Variants in RNF123 observed in about 807,000 individuals in gnomAD.
RNF123 encodes ring finger protein 123.
In RNF123, 86 loss-of-function variants were observed where a neutral mutation model predicts 168.5. The observed-to-expected ratio is 0.51, with a 90% CI of 0.43 to 0.61. The LOEUF (loss-of-function observed/expected upper bound fraction) is 0.61. RNF123 is among the 20% of genes least tolerant of loss of function. The pLI, the probability that RNF123 is intolerant of heterozygous loss-of-function variation, is 0.00. For missense variants in RNF123, 1,419 were observed against 1,729.7 expected (o/e 0.82, Z 3.19); for synonymous variants, 666 against 689.1 (o/e 0.97, Z 0.52).
Position 49,720,783 on chromosome 3 carries a change from T to C in RNF123, c.3644-17T>C, listed in dbSNP as rs2080387414. ...TCCTCAGCTACCTCTGACTTGACAC[T>C]ACCTACCACTCCCCAGATGCGGATT... is the stretch of plus-strand genomic sequence containing the variant. On this transcript the variant is annotated splice_polypyrimidine_tract_variant and intron_variant, in intron 36 of 38. Transcript: ENST00000327697. 2 of 1,613,848 alleles carry C rather than the reference T, an allele frequency of 1.2e-6. No homozygotes were observed. The highest frequency in any genetic ancestry group is 1.3e-5 in the African/African-American group (1 of 74,908).
intron 26 of RNF123, among the ~76,000 whole-genome samples, chr3:49,708,169 G>T (rs1293776193): frequency 6.6e-6 from 1 of 152,046 alleles, no homozygotes; most frequent in East Asian, 1.9e-4. Flanking sequence ...TCACTTTGTT[G>T]GCGTGGCTGG....
chr3:49,714,208 G>A lies in RNF123; in HGVS notation c.3010+34G>A, dbSNP rs757700791. 41 of 1,594,620 alleles carry A rather than the reference G, an allele frequency of 2.6e-5. 1 individual carries two copies. The South Asian group carries it at 4.3e-4, about 17-fold the overall frequency. On this transcript the variant is annotated intron_variant, in intron 31 of 38. Coordinates refer to ENST00000327697, the MANE Select transcript of RNF123 (RefSeq NM_022064.5). Reference sequence around the variant, plus strand: ...CTGGGTTGGGCGAGTCCTGGGCAAGGCAGGCGGGGGCGCTTACCTCCTACC... The same window carrying A: ...CTGGGTTGGGCGAGTCCTGGGCAAGACAGGCGGGGGCGCTTACCTCCTACC...
chr3:49,720,347 A>C, intron 35 of RNF123, 164 bp from the exon 36 acceptor site: 1 of 544,176 alleles, frequency 1.8e-6, no homozygotes, highest in Non-Finnish European at 2.9e-6. Context: ...GCTGTGTGGC[A>C]CCTTACTAGA....
At chr3:49,698,918 A>G in intron 9 of RNF123, 62 bp from the exon 10 acceptor site, 1 of 1,607,380 alleles carries the variant, frequency 6.2e-7, no homozygotes, top group Non-Finnish European at 8.5e-7. Context: ...ACTGAGTTTG[A>G]TAGCCTGAGG....
At position 49,699,889 on chromosome 3, in the gene RNF123, GA is replaced by G; in HGVS notation, c.984+118del. 1.8e-6 allele frequency: 2 copies of G among 1,134,508 alleles called. No homozygotes were observed. Among genetic ancestry groups the G allele is most frequent in the Non-Finnish European group, 2.6e-6 (2 of 782,852 alleles). 70.3% of individuals were successfully genotyped at this position (1,134,508 alleles called of 1,614,324 possible). A position where few individuals can be genotyped will look rare whatever the true frequency, so the allele number is the denominator to read the frequency against. ...CTGAGGTCCCACAGCATCACCTGGCGAGGGCCCCATGTGACCAGGGCCCTCA... is the reference window on the plus strand; with the variant it reads ...CTGAGGTCCCACAGCATCACCTGGCGGGGCCCCATGTGACCAGGGCCCTCA... On this transcript the variant is annotated intron_variant, in intron 12 of 38. Transcript: ENST00000327697. This position sits in a 1 kb window ranked among gnomAD's most constrained non-coding sequence, Gnocchi z 4.8.
intron 24 of RNF123, 109 bp downstream of exon 24, chr3:49,705,788 C>G: frequency 2.0e-6 from 3 of 1,521,206 alleles, no homozygotes; most frequent in Non-Finnish European, 2.7e-6. Flanking sequence ...CAAGACCGTG[C>G]ATGGGAGCAC....
At position 49,714,122 on chromosome 3, in the gene RNF123, G is replaced by A; in HGVS notation, c.2958G>A (p.Leu986=). ...GCGFGYRYTR[L]PHLLKTKLED... ...GCTTCGGGTACCGCTATACACGGCTGCCACATCTGCTGAAAACCAAACTTG... is the reference window on the plus strand; with the variant it reads ...GCTTCGGGTACCGCTATACACGGCTACCACATCTGCTGAAAACCAAACTTG... Residue 986 remains leucine (L), a synonymous_variant, in exon 31 of 39, where the codon CTG becomes CTA. Coordinates refer to ENST00000327697, the MANE Select transcript of RNF123 (RefSeq NM_022064.5). 2 of 1,614,148 alleles carry A rather than the reference G, an allele frequency of 1.2e-6. No individual in the cohort carries two copies. The highest frequency in any genetic ancestry group is 1.7e-6 in the Non-Finnish European group (2 of 1,180,038).
intron 27 of RNF123, chr3:49,712,883 A>G (rs1453894002): frequency 4.3e-6 from 3 of 705,578 alleles, no homozygotes; most frequent in Admixed American, 4.0e-5. Context: ...AACAGACAAG[A>G]TGGAACACGG....
In RNF123 at chr3:49,705,021, C is replaced by T. The variant is rs1468648434; in HGVS notation, c.1997C>T (p.Pro666Leu). ...MQALAVGGPL[P>L]LPRPGWLSSP... ...GCCCTGGCTGTTGGGGGGCCACTGC[C>T]CCTGCCCCGGCCCGGCTGGCTCAGT... The change falls in exon 23 of 39, where the codon CCC becomes CTC. Residue 666 changes from proline to leucine, a missense_variant. Around this residue, in one of 5 missense-constraint regions of RNF123, gnomAD observed 538 missense variants for 708.8 expected, o/e 0.76. Coordinates refer to ENST00000327697, the MANE Select transcript of RNF123 (RefSeq NM_022064.5). 2 of 1,609,382 alleles carry T rather than the reference C, an allele frequency of 1.2e-6. No individual in the cohort carries two copies. The highest frequency in any genetic ancestry group is 1.1e-5 in the South Asian group (1 of 90,330).
rs1321490760 is a variant in RNF123 at position 49,699,490 on chromosome 3, C to A, written c.787C>A (p.Pro263Thr). 6.2e-7 allele frequency: 1 copy of A among 1,608,276 alleles called. No individual in the cohort carries two copies. The highest frequency in any genetic ancestry group is 1.1e-5 in the South Asian group (1 of 90,390). Residue 263 changes from proline (P) to threonine (T), a missense_variant, in exon 11 of 39, where the codon CCC becomes ACC. Pro to Thr is a conservative substitution (Grantham distance 38). Transcript: ENST00000327697. The surrounding 1 kb of genome is among the most constrained non-coding windows in gnomAD (Gnocchi z 4.8). ...PLRYPVAGYR[P>T]LQDPPSADLV... Reference sequence around the variant, plus strand: ...CACCTACCCAGTGGCAGGCTACCGGCCCCTGCAGGACCCACCGAGTGCTGA... The same window carrying A: ...CACCTACCCAGTGGCAGGCTACCGGACCCTGCAGGACCCACCGAGTGCTGA...
rs1351207833 is a variant in RNF123, at chr3:49,720,791, A to G, written c.3644-9A>G. ...TACCTCTGACTTGACACTACCTACC[A>G]CTCCCCAGATGCGGATTATATCAGT... On this transcript the variant is annotated splice_polypyrimidine_tract_variant and intron_variant, in intron 36 of 38. Coordinates refer to ENST00000327697, the MANE Select transcript of RNF123 (RefSeq NM_022064.5). 3.1e-6 allele frequency: 5 copies of G among 1,613,156 alleles called. No homozygotes were observed. In the African/African-American group the frequency reaches 6.7e-5, roughly 22 times the overall value.
chr3:49,704,815 C>A, intron 22 of RNF123, 59 bp downstream of exon 22: 10 of 1,476,410 alleles, frequency 6.8e-6, no homozygotes, highest in Non-Finnish European at 9.2e-6. Context: ...ATCTTATGGG[C>A]AGGGGTCTCA....
intron 2 of RNF123, 48 bp from the exon 3 acceptor site, chr3:49,691,377 G>T: frequency 1.9e-6 from 3 of 1,607,470 alleles, no homozygotes; most frequent in Non-Finnish European, 2.6e-6. Flanking sequence ...GGGGCCAGGA[G>T]CTGCACTGAT....
At chr3:49,717,661 C>T (rs1355486899) in intron 35 of RNF123, 1 of 515,068 alleles carries the variant, frequency 1.9e-6, no homozygotes, top group African/African-American at 1.9e-5. Flanking sequence ...CTCTCAGCCT[C>T]ACAGGGCATT....
chr3:49,713,369 G>T, intron 27 of RNF123, 144 bp from the exon 28 acceptor site: 1 of 708,476 alleles, frequency 1.4e-6, no homozygotes, highest in Non-Finnish European at 2.4e-6. Flanking sequence ...TGCTTTGCCC[G>T]ATGTCCCCAG....
In RNF123 at chr3:49,721,103, C is replaced by CAAGT; in HGVS notation, c.3824+3_3824+6dup. On this transcript the variant is annotated frameshift_variant and splice_region_variant, in exon 38 of 39. Coordinates refer to ENST00000327697, the MANE Select transcript of RNF123 (RefSeq NM_022064.5). LOFTEE classifies it high-confidence loss of function. ...TCCAGCCCTGTGGCCACAAGTCCTG[C>CAAGT]AAGTAAGTGGGCCCCACAGCTTGGT... 2.1e-5 allele frequency: 34 copies of CAAGT among 1,613,742 alleles called. No individual in the cohort carries two copies. Among genetic ancestry groups the CAAGT allele is most frequent in the Admixed American group, 1.0e-4 (6 of 59,984 alleles).
chr3:49,701,999 G>A (rs1398421397), intron 17 of RNF123, 84 bp from the exon 18 acceptor site: 1 of 1,561,556 alleles, frequency 6.4e-7, no homozygotes, highest in Non-Finnish European at 8.7e-7. Context: ...GTGGGACTTG[G>A]GGAACCCTGG....
intron 3 of RNF123, among the ~76,000 whole-genome samples, chr3:49,696,435 G>A (rs1313110303): frequency 2.0e-5 from 3 of 148,280 alleles, no homozygotes; most frequent in Non-Finnish European, 4.4e-5. Flanking sequence ...TGCAACCTCC[G>A]CCTCCCAGGT....
chr3:49,715,495 C>T (rs1468989709), intron 31 of RNF123, 80 bp from the exon 32 acceptor site: 2 of 1,557,788 alleles, frequency 1.3e-6, no homozygotes, highest in Non-Finnish European at 1.8e-6. Flanking sequence ...ACCAAAGCCT[C>T]AATGGGCGAG....
Sources: gnomAD v4.1 joint callset for allele counts (sites outside exome capture counted in the v4.1 genomes callset) on GRCh38, gnomAD v4.1.1 for gene constraint, gnomAD v4.1.1 regional missense constraint, Gnocchi (gnomAD v3.1) non-coding constraint, MANE v1.5 for transcripts, NCBI Gene and HGNC (gene_info 2026-07-23, HGNC 2026-07-21) for gene names.